Variants in RAB35 observed in about 807,000 individuals in gnomAD.
The protein encoded by RAB35 is ras-related protein Rab-35.
In RAB35, 4 loss-of-function variants were observed where a neutral mutation model predicts 28.9. The ratio of observed to expected loss-of-function variants is 0.14; its 90% CI spans 0.07 to 0.32. The LOEUF (loss-of-function observed/expected upper bound fraction) is 0.32, where lower values mean the gene tolerates loss of function less well. Ranked by LOEUF, RAB35 falls within the 10% of genes least tolerant of loss-of-function variation. RAB35 has a pLI of 1.00. For synonymous variants in RAB35, 99 were observed against 105.1 expected (o/e 0.94, Z 0.35); for missense variants, 128 against 274.0 (o/e 0.47, Z 3.76).
chr12:120,105,215 G>A (rs1380905537), intron 2 of RAB35, among the ~76,000 whole-genome samples: 1 of 152,200 alleles, frequency 6.6e-6, no homozygotes, highest in Admixed American at 6.5e-5. Context: ...AGATTAGGTA[G>A]GGGAACGACA....
At chr12:120,099,374 C>G in intron 3 of RAB35, 1 of 619,494 alleles carries the variant, frequency 1.6e-6, no homozygotes, top group Non-Finnish European at 2.8e-6. Flanking sequence ...GGGGCACCAA[C>G]AGGGCGGGAG....
chr12:120,105,541 G>C (rs1875834065), intron 2 of RAB35, among the ~76,000 whole-genome samples: 1 of 152,204 alleles, frequency 6.6e-6, no homozygotes, highest in African/African-American at 2.4e-5. Flanking sequence ...TCACAGCAGG[G>C]GGAGGGAAGT....
chr12:120,115,078 C>T lies in RAB35; in HGVS notation c.52+1521G>A, dbSNP rs139824846. On this transcript the variant is annotated intron_variant, in intron 1 of 5. Coordinates refer to ENST00000229340, the MANE Select transcript of RAB35 (RefSeq NM_006861.7). The stretch of plus-strand genomic sequence containing the variant: ...GGTTTCCCTTCATTCAAACCATAAC[C>T]AGTCAGTACTCCACCTTTCTACCTC... 9.6e-4 allele frequency among the ~76,000 whole-genome samples: 146 copies of T among 152,274 alleles called. 1 individual carries two copies. Among genetic ancestry groups the T allele is most frequent in the African/African-American group, 3.3e-3 (136 of 41,548 alleles).
intron 2 of RAB35, among the ~76,000 whole-genome samples, chr12:120,104,909 C>T (rs1245885915): frequency 6.6e-6 from 1 of 152,230 alleles, no homozygotes; most frequent in Non-Finnish European, 1.5e-5. Context: ...GCTGGGATTA[C>T]AGGCACAAGC....
intron 3 of RAB35, chr12:120,099,546 AT>A (rs970648873): frequency 4.8e-5 from 11 of 229,656 alleles, no homozygotes; most frequent in African/African-American, 2.5e-4. Context: ...ATTCAAAAAA[AT>A]ATTTGCTCCT....
intron 1 of RAB35, chr12:120,108,720 A>G (rs530625734): frequency 7.8e-6 from 5 of 641,412 alleles, no homozygotes; most frequent in African/African-American, 3.6e-5. Flanking sequence ...GAGAGATGAG[A>G]AAGGGACTGG....
Position 120,096,378 on chromosome 12 carries a change from T to A in RAB35, c.*867A>T, listed in dbSNP as rs1389686647. The A allele has an allele frequency of 8.1e-7, 1 of 1,234,848 alleles. No homozygotes were observed. The highest frequency in any genetic ancestry group is 1.0e-6 in the Non-Finnish European group (1 of 954,716). The allele number at this position is 1,234,848 out of a possible 1,614,324, so 76.5% of individuals were successfully genotyped here. A position where few individuals can be genotyped will look rare whatever the true frequency, so the allele number is the denominator to read the frequency against. Reference sequence around the variant, plus strand: ...AGGGAAAGAAAATAATTGTGAGGAATTTAATTCACTTGATTTGGCTTCATT... The same window carrying A: ...AGGGAAAGAAAATAATTGTGAGGAAATTAATTCACTTGATTTGGCTTCATT... On this transcript the variant is annotated 3_prime_UTR_variant, in exon 6 of 6. Transcript: ENST00000229340.
chr12:120,098,766 G>A, intron 5 of RAB35, 45 bp downstream of exon 5: 1 of 1,609,518 alleles, frequency 6.2e-7, no homozygotes, highest in Non-Finnish European at 8.5e-7. Context: ...CATGGAGAAG[G>A]CGGCCACGGG....
intron 1 of RAB35, among the ~76,000 whole-genome samples, chr12:120,112,614 G>T (rs1187310238): frequency 1.3e-5 from 2 of 151,324 alleles, no homozygotes; most frequent in Non-Finnish European, 2.9e-5. Flanking sequence ...TCTTTTTGTT[G>T]AGACAGGGCC....
rs1213470272 is a variant in RAB35 at position 120,096,889 on chromosome 12, G to A, written c.*356C>T. The A allele has an allele frequency of 7.6e-7, 1 of 1,315,220 alleles. No homozygotes were observed. Among genetic ancestry groups the A allele is most frequent in the Non-Finnish European group, 9.9e-7 (1 of 1,005,994 alleles). The allele number at this position is 1,315,220 out of a possible 1,614,324, so 81.5% of individuals were successfully genotyped here. A position where few individuals can be genotyped will look rare whatever the true frequency, so the allele number is the denominator to read the frequency against. On this transcript the variant is annotated 3_prime_UTR_variant, in exon 6 of 6. Transcript: ENST00000229340. ...GGCGCGGGGAGGGTCTGTTGCAGCA[G>A]GCTGGCATCAAGAAGGCAAAAGCCA...
rs781362390 is a variant in RAB35, at chr12:120,099,080, C to T, written c.302G>A (p.Arg101Gln). The T allele has an allele frequency of 2.5e-6, 4 of 1,614,154 alleles. No individual in the cohort carries two copies. Among genetic ancestry groups the T allele is most frequent in the African/African-American group, 1.3e-5 (1 of 74,962 alleles). The change falls in exon 4 of 6, where the codon CGG becomes CAG. Residue 101 changes from arginine (R) to glutamine (Q), a missense_variant. Transcript: ENST00000229340. ...GTTCTGGTTGATTTCGTGAAGCCAC[C>T]GCTTGACGTTGACAAAGGACTCGGC... ...TSAESFVNVK[R>Q]WLHEINQNCD... is the part of the protein sequence containing the mutation.
rs2139048562 is a variant in RAB35 at position 120,099,081 on chromosome 12, G to A, written c.301C>T (p.Arg101Trp). ...TSAESFVNVK[R>W]WLHEINQNCD... ...TTCTGGTTGATTTCGTGAAGCCACC[G>A]CTTGACGTTGACAAAGGACTCGGCA... is the stretch of plus-strand genomic sequence containing the variant. The change falls in exon 4 of 6, where the codon CGG (arginine) becomes TGG (tryptophan). Residue 101 changes from arginine to tryptophan, a missense_variant. Physicochemically the swap from Arg to Trp is moderately radical, Grantham distance 101 (BLOSUM62 -3). Coordinates refer to ENST00000229340, the MANE Select transcript of RAB35 (RefSeq NM_006861.7). The A allele has an allele frequency of 6.2e-7, 1 of 1,612,426 alleles. No individual in the cohort carries two copies. The highest frequency in any genetic ancestry group is 8.5e-7 in the Non-Finnish European group (1 of 1,179,116).
At chr12:120,101,320 C>G (rs1187761054) in intron 3 of RAB35, among the ~76,000 whole-genome samples, 2 of 152,198 alleles carry the variant, frequency 1.3e-5, no homozygotes, top group African/African-American at 4.8e-5. Context: ...CAGCGGCCAG[C>G]TGGAAGTCCT....
rs548226397 is a variant in RAB35 at position 120,096,665 on chromosome 12, G to C, written c.*580C>G. 3.8e-4 allele frequency: 495 copies of C among 1,289,892 alleles called. 4 individuals are homozygous for C. The South Asian group carries it at 5.7e-3, about 15-fold the overall frequency. The allele number at this position is 1,289,892 out of a possible 1,614,324, so 79.9% of individuals were successfully genotyped here. A position where few individuals can be genotyped will look rare whatever the true frequency, so the allele number is the denominator to read the frequency against. ...GCTCCCAGAATGGCTGTGGGGACAG[G>C]ACAACGGGGAGGGAAGGGAGCTGGC... is the stretch of plus-strand genomic sequence containing the variant. On this transcript the variant is annotated 3_prime_UTR_variant, in exon 6 of 6. Transcript: ENST00000229340.
rs559635867 is a variant in RAB35, at chr12:120,106,684, G to A, written c.103+1733C>T. On this transcript the variant is annotated intron_variant, in intron 2 of 5. Transcript: ENST00000229340. ...TCGGCTCACTGCAACCAACTCCCTG[G>A]TTCAAGCGATTCTCCTGCCTCAGCC... Among the ~76,000 whole-genome samples the A allele has an allele frequency of 1.7e-4, 25 of 149,522 alleles. No homozygotes were observed. In the South Asian group the frequency reaches 2.1e-3, roughly 13 times the overall value.
intron 1 of RAB35, among the ~76,000 whole-genome samples, chr12:120,115,687 G>A (rs1876300704): frequency 6.6e-6 from 1 of 152,180 alleles, no homozygotes; most frequent in Non-Finnish European, 1.5e-5. Context: ...CTGGGTGCCA[G>A]GCACTGTTCT....
At chr12:120,112,986 G>A (rs527616757) in intron 1 of RAB35, among the ~76,000 whole-genome samples, 1 of 151,568 alleles carries the variant, frequency 6.6e-6, no homozygotes, top group Admixed American at 6.6e-5. Context: ...CGCCTCCTGG[G>A]TTCAAATGAT....
At chr12:120,100,446 C>T (rs1324331522) in intron 3 of RAB35, among the ~76,000 whole-genome samples, 2 of 152,194 alleles carry the variant, frequency 1.3e-5, no homozygotes, top group African/African-American at 2.4e-5. Context: ...TACCCCAAGG[C>T]GGGGGAGCAG....
At position 120,096,559 on chromosome 12, in the gene RAB35, GGACAAGAAATCTGTTGGCCAAAGGGCAA is replaced by G; in HGVS notation, c.*658_*685del. The G allele has an allele frequency of 7.8e-7, 1 of 1,289,896 alleles. No individual in the cohort carries two copies. The highest frequency in any genetic ancestry group is 1.0e-6 in the Non-Finnish European group (1 of 988,892). 79.9% of individuals were successfully genotyped at this position (1,289,896 alleles called of 1,614,324 possible). Reference sequence around the variant, plus strand: ...GGAGCTCAGAGGCATCTAGAAGGCAGGACAAGAAATCTGTTGGCCAAAGGGCAAGACCTGCCACCTCTGTGGAACTGCA... The same window carrying G: ...GGAGCTCAGAGGCATCTAGAAGGCAGGACCTGCCACCTCTGTGGAACTGCA... On this transcript the variant is annotated 3_prime_UTR_variant, in exon 6 of 6. Transcript: ENST00000229340.
Sources: gnomAD v4.1 joint callset for allele counts (sites outside exome capture counted in the v4.1 genomes callset) on GRCh38, gnomAD v4.1.1 for gene constraint, MANE v1.5 for transcripts, NCBI Gene and HGNC (gene_info 2026-07-23, HGNC 2026-07-21) for gene names.